The following CNTN6 variants were observed in gnomAD, a reference collection of about 807,000 sequenced individuals.
The protein encoded by CNTN6 is contactin-6.
CNTN6 carries 137 observed loss-of-function variants against 122.8 expected under a neutral mutation model. That is an observed-to-expected ratio of 1.12 (90% CI 0.97 to 1.29). CNTN6 has a LOEUF of 1.29. Among genes scored for constraint, CNTN6 ranks in the 50% most tolerant of loss-of-function variants. CNTN6 has a pLI of 0.00. For synonymous variants in CNTN6, 570 were observed against 426.0 expected, an observed-to-expected ratio of 1.34 and a Z score of -4.16; for missense variants, 1,634 against 1,223.4, an observed-to-expected ratio of 1.34 and a Z score of -5.01.
rs553848199 is a variant in CNTN6 at position 1,327,102 on chromosome 3, A to G, written c.1084-355A>G. On this transcript the variant is annotated intron_variant, in intron 9 of 22. Coordinates refer to ENST00000446702, the MANE Select transcript of CNTN6 (RefSeq NM_001289080.2). ...GGAAAGCCAAGGCAGTGTTCTAGTCATGATATACATGTCTAACATTATTGT... is the reference window on the plus strand; with the variant it reads ...GGAAAGCCAAGGCAGTGTTCTAGTCGTGATATACATGTCTAACATTATTGT... Among the ~76,000 whole-genome samples the G allele has an allele frequency of 2.6e-5, 4 of 152,040 alleles. No individual in the cohort carries two copies. The East Asian group carries it at 7.8e-4, about 30-fold the overall frequency.
intron 4 of CNTN6, among the ~76,000 whole-genome samples, chr3:1,275,155 T>TA (rs1237856696): frequency 1.3e-5 from 2 of 152,176 alleles, no homozygotes; most frequent in Non-Finnish European, 2.9e-5. Context: ...GACCTTATTT[T>TA]ATCTGTGTCC....
chr3:1,151,012 G>A lies in CNTN6; in HGVS notation c.55+2949G>A, dbSNP rs72999807. Among the ~76,000 whole-genome samples, 1,397 of 152,142 alleles carry A rather than the reference G, an allele frequency of 9.2e-3. 20 individuals carry two copies. The highest frequency in any genetic ancestry group is 0.032 in the African/African-American group (1,325 of 41,488). On this transcript the variant is annotated intron_variant, in intron 2 of 22. Coordinates refer to ENST00000446702, the MANE Select transcript of CNTN6 (RefSeq NM_001289080.2). ...AGATGCTGGGAAAGGCAGGGGGACA[G>A]ATTCTCCCCTCTATCTGTGGACTGA...
At chr3:1,281,680 T>G (rs535680898) in intron 5 of CNTN6, among the ~76,000 whole-genome samples, 2 of 152,068 alleles carry the variant, frequency 1.3e-5, no homozygotes, top group Admixed American at 1.3e-4. Context: ...CCTCGTGATC[T>G]GCCCGCCTCG....
At chr3:1,300,794 T>C (rs1050307816) in intron 7 of CNTN6, among the ~76,000 whole-genome samples, 2 of 151,566 alleles carry the variant, frequency 1.3e-5, no homozygotes, top group South Asian at 4.2e-4. Flanking sequence ...ATTCCCTTTC[T>C]CTCTCTCTCT....
intron 4 of CNTN6, among the ~76,000 whole-genome samples, chr3:1,278,115 A>C (rs974682814): frequency 7.9e-5 from 12 of 152,236 alleles, no homozygotes; most frequent in Admixed American, 7.2e-4. Flanking sequence ...CAGACAAAGT[A>C]AATATGTGTT....
intron 1 of CNTN6, among the ~76,000 whole-genome samples, chr3:1,111,453 C>T (rs2091476897): frequency 6.6e-6 from 1 of 152,078 alleles, no homozygotes; most frequent in South Asian, 2.1e-4. Flanking sequence ...TAAAGTAAAT[C>T]GGTTAAATAG....
intron 20 of CNTN6, among the ~76,000 whole-genome samples, chr3:1,398,169 C>T (rs1163597240): frequency 6.6e-6 from 1 of 152,058 alleles, no homozygotes; most frequent in Non-Finnish European, 1.5e-5. Context: ...GTTTTGGTTT[C>T]TCAAGATGAT....
At chr3:1,105,407 T>C (rs2124987693) in intron 1 of CNTN6, among the ~76,000 whole-genome samples, 1 of 152,254 alleles carries the variant, frequency 6.6e-6, no homozygotes, top group East Asian at 1.9e-4. Context: ...TCATCAGATA[T>C]CGGTGAGATA....
chr3:1,331,631 G>A (rs553711099), intron 11 of CNTN6, among the ~76,000 whole-genome samples: 1 of 151,886 alleles, frequency 6.6e-6, no homozygotes, highest in African/African-American at 2.4e-5. Flanking sequence ...AAAAACATAA[G>A]AGATCCTGCA....
intron 1 of CNTN6, among the ~76,000 whole-genome samples, chr3:1,134,094 G>A (rs1428961813): frequency 6.6e-6 from 1 of 152,220 alleles, no homozygotes. Flanking sequence ...ACCACTCACT[G>A]TGAAGTCAAA....
At chr3:1,289,838 C>G (rs1695000069) in intron 5 of CNTN6, among the ~76,000 whole-genome samples, 1 of 151,946 alleles carries the variant, frequency 6.6e-6, no homozygotes, top group Non-Finnish European at 1.5e-5. Flanking sequence ...CCACGCCCAG[C>G]TAATGTTTTG....
intron 11 of CNTN6, among the ~76,000 whole-genome samples, chr3:1,336,260 G>C (rs768069818): frequency 6.6e-6 from 1 of 151,926 alleles, no homozygotes; most frequent in African/African-American, 2.4e-5. Context: ...CTACATGCTA[G>C]ATGGTGTACC....
chr3:1,313,706 C>A (rs1486867357), intron 7 of CNTN6, among the ~76,000 whole-genome samples: 2 of 152,070 alleles, frequency 1.3e-5, no homozygotes, highest in South Asian at 4.1e-4. Flanking sequence ...ATCTTATTCC[C>A]ATTGGGCTGC....
intron 2 of CNTN6, among the ~76,000 whole-genome samples, chr3:1,197,947 C>T (rs919781550): frequency 5.3e-5 from 8 of 152,076 alleles, no homozygotes; most frequent in African/African-American, 1.9e-4. Flanking sequence ...CAATACTTCA[C>T]ATTAAAAAAA....
At chr3:1,280,758 C>G (rs1196112006) in intron 5 of CNTN6, among the ~76,000 whole-genome samples, 2 of 152,042 alleles carry the variant, frequency 1.3e-5, no homozygotes, top group African/African-American at 4.8e-5. Context: ...AGTCACCGCA[C>G]CTGGTCCGAG....
chr3:1,374,832 A>G (rs1467697210), intron 16 of CNTN6, among the ~76,000 whole-genome samples: 1 of 152,272 alleles, frequency 6.6e-6, no homozygotes, highest in South Asian at 2.1e-4. Flanking sequence ...GAAGTCAATA[A>G]ATCAATCCTT....
At chr3:1,114,343 A>G (rs1034497470) in intron 1 of CNTN6, among the ~76,000 whole-genome samples, 4 of 152,210 alleles carry the variant, frequency 2.6e-5, no homozygotes, top group South Asian at 2.1e-4. Flanking sequence ...TACTCATCCT[A>G]TGAATCAAGC....
intron 1 of CNTN6, among the ~76,000 whole-genome samples, chr3:1,119,624 C>A (rs1295332479): frequency 1.3e-5 from 2 of 151,630 alleles, no homozygotes; most frequent in African/African-American, 4.9e-5. Context: ...ACTTCAGTTA[C>A]TAGATAAGCA....
chr3:1,185,114 T>G (rs1411991160), intron 2 of CNTN6, among the ~76,000 whole-genome samples: 1 of 152,154 alleles, frequency 6.6e-6, no homozygotes, highest in Non-Finnish European at 1.5e-5. Flanking sequence ...TTCTAAAATT[T>G]GTGAAATAAT....
Sources: allele counts gnomAD v4.1 joint callset (sites outside exome capture counted in the v4.1 genomes callset), GRCh38; gene constraint gnomAD v4.1.1; transcripts MANE v1.5; gene names NCBI Gene and HGNC (gene_info 2026-07-23, HGNC 2026-07-21).